Variants in HTR2C observed in about 807,000 individuals in gnomAD.
The protein encoded by HTR2C is 5-hydroxytryptamine (serotonin) receptor 2C, G protein-coupled.
Under a neutral mutation model 21.0 loss-of-function variants are expected in HTR2C, and 5 were observed. The ratio of observed to expected loss-of-function variants is 0.24; its 90% confidence interval spans 0.12 to 0.50. The LOEUF is 0.50. Ranked by LOEUF, HTR2C falls within the 20% of genes least tolerant of loss-of-function variation. The pLI is 0.98. For synonymous variants in HTR2C, 150 were observed against 145.3 expected, an observed-to-expected ratio of 1.03 and a Z score of -0.23; for missense variants, 271 against 371.2, an observed-to-expected ratio of 0.73 and a Z score of 2.22.
intron 4 of HTR2C, among the ~76,000 whole-genome samples, chrX:114,813,622 C>T (rs782473499): frequency 9.0e-6 from 1 of 111,393 alleles, no homozygotes; most frequent in East Asian, 2.8e-4. Flanking sequence ...GTAGCAAGGA[C>T]GCTGTAACAG....
intron 4 of HTR2C, among the ~76,000 whole-genome samples, chrX:114,819,533 T>C (rs2070613598): frequency 8.9e-6 from 1 of 112,475 alleles, no homozygotes; most frequent in African/African-American, 3.2e-5. Context: ...GCATATAACA[T>C]ATGACCCATG....
chrX:114,814,600 T>G (rs781985428), intron 4 of HTR2C, among the ~76,000 whole-genome samples: 5 of 108,204 alleles, frequency 4.6e-5, no homozygotes, highest in Admixed American at 1.0e-4. Context: ...TATGGAATTA[T>G]TAATAGAATA....
intron 2 of HTR2C, among the ~76,000 whole-genome samples, chrX:114,706,786 G>C (rs959516858): frequency 1.8e-5 from 2 of 111,010 alleles, no homozygotes; most frequent in Non-Finnish European, 3.8e-5. Context: ...AATACAATCT[G>C]CAGCTGGCTT....
intron 1 of HTR2C, among the ~76,000 whole-genome samples, chrX:114,604,500 T>C (rs1928303949): frequency 9.1e-6 from 1 of 109,833 alleles, no homozygotes; most frequent in South Asian, 4.1e-4. Flanking sequence ...CTGTGAGAGT[T>C]ACCCGAAGCT....
At chrX:114,761,990 CTATATATACACATATATATA>C (rs2069880817) in intron 4 of HTR2C, among the ~76,000 whole-genome samples, 9 of 9,906 alleles carry the variant, frequency 9.1e-4, no homozygotes, top group Non-Finnish European at 1.4e-3. Flanking sequence ...TGTATATATA[CTATATATACACATATATATA>C]GTATATATAC....
At chrX:114,742,077 C>A (rs982085919) in intron 4 of HTR2C, among the ~76,000 whole-genome samples, 10 of 110,913 alleles carry the variant, frequency 9.0e-5, no homozygotes, top group African/African-American at 2.9e-4. Flanking sequence ...TGTCTCCTGG[C>A]TTTGTCTGGA....
intron 3 of HTR2C, among the ~76,000 whole-genome samples, chrX:114,730,229 T>A (rs1443717207): frequency 8.9e-6 from 1 of 111,803 alleles, no homozygotes; most frequent in Non-Finnish European, 1.9e-5. Flanking sequence ...TAGGGGGATA[T>A]TAATTTAGAA....
chrX:114,749,459 A>C (rs1399711874), intron 4 of HTR2C, among the ~76,000 whole-genome samples: 1 of 104,801 alleles, frequency 9.5e-6, no homozygotes, highest in Non-Finnish European at 1.9e-5. Context: ...GTCTCAAAAA[A>C]AAAAAAAAAA....
Position 114,800,071 on chromosome X carries a change from G to A in HTR2C, c.350-47932G>A, listed in dbSNP as rs782615034. On this transcript the variant is annotated intron_variant, in intron 4 of 5. Coordinates refer to ENST00000276198, the MANE Select transcript of HTR2C (RefSeq NM_000868.4). ...AATGTAACTGGGTTTTTGAGAGGCAGAAAAGAGGAGATAAGGCTTGATTTT... is the reference window on the plus strand; with the variant it reads ...AATGTAACTGGGTTTTTGAGAGGCAAAAAAGAGGAGATAAGGCTTGATTTT... 5.4e-5 allele frequency among the ~76,000 whole-genome samples: 6 copies of A among 110,453 alleles called. No homozygotes were observed. The East Asian group carries it at 1.7e-3, about 32-fold the overall frequency.
intron 2 of HTR2C, among the ~76,000 whole-genome samples, chrX:114,620,145 G>T (rs1556401360): frequency 9.0e-6 from 1 of 111,692 alleles, no homozygotes; most frequent in African/African-American, 3.3e-5. Flanking sequence ...TCAACAAAGG[G>T]TTGTATATGT....
intron 4 of HTR2C, chrX:114,776,866 C>A (rs2070063465): frequency 1.3e-5 from 2 of 158,262 alleles, no homozygotes; most frequent in Admixed American, 8.0e-5. Context: ...ATATTTACTT[C>A]TTGAAAGGGA....
chrX:114,698,296 ATATT>A (rs1476907981), intron 2 of HTR2C, among the ~76,000 whole-genome samples: 2 of 111,763 alleles, frequency 1.8e-5, no homozygotes, highest in Admixed American at 1.9e-4. Context: ...GTGATATCTC[ATATT>A]TACAGGTAAG....
intron 5 of HTR2C, among the ~76,000 whole-genome samples, chrX:114,887,649 T>C (rs1452780911): frequency 9.0e-6 from 1 of 111,262 alleles, no homozygotes; most frequent in East Asian, 2.8e-4. Flanking sequence ...GGATCCTTGG[T>C]TGACATTTTG....
At chrX:114,881,052 C>T (rs782048675) in intron 5 of HTR2C, among the ~76,000 whole-genome samples, 2 of 110,747 alleles carry the variant, frequency 1.8e-5, no homozygotes, top group African/African-American at 3.3e-5. Flanking sequence ...CTATGTTCAT[C>T]GTACTGTGTG....
chrX:114,815,619 C>T (rs782664112), intron 4 of HTR2C, among the ~76,000 whole-genome samples: 53 of 111,186 alleles, frequency 4.8e-4, no homozygotes, highest in African/African-American at 1.7e-3. Context: ...AACCATCGTG[C>T]CTAAATTATT....
At chrX:114,703,545 G>T (rs907294827) in intron 2 of HTR2C, among the ~76,000 whole-genome samples, 1 of 111,373 alleles carries the variant, frequency 9.0e-6, no homozygotes, top group East Asian at 2.8e-4. Context: ...AGAATCTCTG[G>T]GACGCTTTCA....
intron 2 of HTR2C, among the ~76,000 whole-genome samples, chrX:114,701,859 C>T (rs781914515): frequency 9.0e-6 from 1 of 111,158 alleles, no homozygotes; most frequent in Non-Finnish European, 1.9e-5. Context: ...ACAGAGAAGT[C>T]CTTAAAGGAG....
rs1556487778 is a variant in HTR2C, at chrX:114,908,419, T to TA, written c.*1004_*1005insA. Reference sequence around the variant, plus strand: ...TTAGCAGTCCATTTTTGAGTAAAACTTGTATTGGAAGTATAGATGGTAGAA... The same window carrying TA: ...TTAGCAGTCCATTTTTGAGTAAAACTATGTATTGGAAGTATAGATGGTAGAA... On this transcript the variant is annotated 3_prime_UTR_variant, in exon 6 of 6. Transcript: ENST00000276198. 4.5e-5 allele frequency: 5 copies of TA among 111,966 alleles called. No individual in the cohort carries two copies. Among genetic ancestry groups the TA allele is most frequent in the Non-Finnish European group, 7.5e-5 (4 of 53,121 alleles). The allele number at this position is 111,966 out of a possible 1,213,427, so 9.2% of individuals were successfully genotyped here.
chrX:114,834,648 A>G (rs2070763189), intron 4 of HTR2C, among the ~76,000 whole-genome samples: 1 of 103,487 alleles, frequency 9.7e-6, no homozygotes, highest in East Asian at 3.2e-4. Flanking sequence ...ATGGGTCTTG[A>G]CTCTTTATCC....
Sources: allele counts gnomAD v4.1 joint callset (sites outside exome capture counted in the v4.1 genomes callset), GRCh38; gene constraint gnomAD v4.1.1; transcripts MANE v1.5; gene names NCBI Gene and HGNC (gene_info 2026-07-23, HGNC 2026-07-21).